SLC45A4: variants seen among roughly 807,000 people sequenced by gnomAD.
SLC45A4 encodes the protein solute carrier family 45 member 4.
A neutral mutation model predicts 63.7 loss-of-function variants in SLC45A4; 32 were observed. That is an observed-to-expected ratio of 0.50 (90% CI 0.38 to 0.67). SLC45A4 has a LOEUF of 0.67. Among genes scored for constraint, SLC45A4 ranks in the 30% least tolerant of loss-of-function variants. The pLI, the probability that SLC45A4 is intolerant of heterozygous loss-of-function variation, is 0.00. For synonymous variants in SLC45A4, 535 were observed against 510.0 expected, an observed-to-expected ratio of 1.05 and a Z score of -0.66; for missense variants, 1,027 against 1,157.7, an observed-to-expected ratio of 0.89 and a Z score of 1.64.
chr8:141,307,539 AAGAAGG>A (rs1830935811), intron 1 of SLC45A4, among the ~76,000 whole-genome samples: 1 of 107,328 alleles, frequency 9.3e-6, no homozygotes, highest in Non-Finnish European at 2.0e-5. Flanking sequence ...AGGGAAGGGG[AAGAAGG>A]GGAAGAAGGG....
At chr8:141,236,463 T>C (rs1827629549) in intron 2 of SLC45A4, among the ~76,000 whole-genome samples, 1 of 152,144 alleles carries the variant, frequency 6.6e-6, no homozygotes, top group Non-Finnish European at 1.5e-5. Context: ...AGCTAGAAAA[T>C]ACGTCTGCAC....
At chr8:141,288,395 G>C (rs994730320) in intron 1 of SLC45A4, among the ~76,000 whole-genome samples, 2 of 152,226 alleles carry the variant, frequency 1.3e-5, no homozygotes, top group African/African-American at 2.4e-5. Context: ...AATTGCAAGC[G>C]CATCGGTACG....
At chr8:141,220,049 C>T (rs999946310) in intron 3 of SLC45A4, among the ~76,000 whole-genome samples, 4 of 152,184 alleles carry the variant, frequency 2.6e-5, no homozygotes, top group Admixed American at 1.3e-4. Flanking sequence ...TCTCCCCGTT[C>T]GGTTAGCTGT....
chr8:141,299,052 G>A (rs972323796), intron 1 of SLC45A4, among the ~76,000 whole-genome samples: 3 of 152,170 alleles, frequency 2.0e-5, no homozygotes, highest in African/African-American at 7.2e-5. Flanking sequence ...GGATGCAGAT[G>A]CCGCACTGTC....
Position 141,229,460 on chromosome 8 carries a change from C to A in SLC45A4, c.242-7695G>T, listed in dbSNP as rs1317214373. Among the ~76,000 whole-genome samples the A allele has an allele frequency of 6.6e-6, 1 of 152,140 alleles. No homozygotes were observed. Among genetic ancestry groups the A allele is most frequent in the East Asian group, 1.9e-4 (1 of 5,182 alleles). On this transcript the variant is annotated intron_variant, in intron 2 of 8. Coordinates refer to ENST00000517878, the MANE Select transcript of SLC45A4 (RefSeq NM_001286646.2). The surrounding 1 kb of genome is among the most constrained non-coding windows in gnomAD (Gnocchi z 5.0). ...ATCCCGCTCAGAACCTCAGCCACGG[C>A]CACTGGGGAGGGTCCAGCCAGTGCC...
chr8:141,269,630 G>C (rs1013566581), intron 1 of SLC45A4, among the ~76,000 whole-genome samples: 1 of 151,616 alleles, frequency 6.6e-6, no homozygotes, highest in South Asian at 2.1e-4. Flanking sequence ...GTGTCTGTGC[G>C]GGGGGTGTGT....
chr8:141,293,472 T>G (rs1005389848), intron 1 of SLC45A4, among the ~76,000 whole-genome samples: 3 of 149,876 alleles, frequency 2.0e-5, no homozygotes, highest in Admixed American at 1.3e-4. Context: ...AAAAAGAAAA[T>G]AAAATGCACG....
intron 2 of SLC45A4, among the ~76,000 whole-genome samples, chr8:141,251,253 A>G (rs1448811200): frequency 6.6e-6 from 1 of 152,082 alleles, no homozygotes; most frequent in Non-Finnish European, 1.5e-5. Context: ...ACTGCTACCC[A>G]ACTTCCCCCT....
At chr8:141,262,032 G>A (rs947301610) in intron 1 of SLC45A4, among the ~76,000 whole-genome samples, 1 of 152,128 alleles carries the variant, frequency 6.6e-6, no homozygotes, top group Non-Finnish European at 1.5e-5. Context: ...TAGATCAATG[G>A]AACAGAACAG....
At chr8:141,237,142 C>T (rs1827670252) in intron 2 of SLC45A4, among the ~76,000 whole-genome samples, 1 of 152,064 alleles carries the variant, frequency 6.6e-6, no homozygotes, top group East Asian at 1.9e-4. Context: ...TGATATATTG[C>T]TTACTATATG....
chr8:141,234,345 G>A (rs79097146), intron 2 of SLC45A4, among the ~76,000 whole-genome samples: 3,236 of 152,316 alleles, frequency 0.021, 125 homozygotes, highest in African/African-American at 0.074. Flanking sequence ...CTCCTCGTGG[G>A]CCTAGCTTGG....
intron 2 of SLC45A4, 39 bp downstream of exon 2, chr8:141,253,950 G>A (rs1228074101): frequency 1.8e-5 from 28 of 1,532,042 alleles, no homozygotes; most frequent in East Asian, 2.4e-5. Flanking sequence ...CTAGCACTCC[G>A]CTCAGCGTTC....
intron 1 of SLC45A4, among the ~76,000 whole-genome samples, chr8:141,277,045 GC>G (rs1829754684): frequency 6.6e-6 from 1 of 152,242 alleles, no homozygotes; most frequent in South Asian, 2.1e-4. Flanking sequence ...GGCAGGCAGA[GC>G]CCTTGGACAC....
chr8:141,224,046 C>T (rs1045855549), intron 2 of SLC45A4, among the ~76,000 whole-genome samples: 2 of 151,272 alleles, frequency 1.3e-5, no homozygotes, highest in Non-Finnish European at 1.5e-5. Flanking sequence ...GCTCTGCTGA[C>T]GACAAATGCT....
Position 141,271,398 on chromosome 8 carries a change from G to A in SLC45A4, c.-400-16769C>T, listed in dbSNP as rs945302626. Reference sequence around the variant, plus strand: ...ACCTCAGACTTGCCAACAGCTGTGGGATCCTACCAGGAACTCCCAGGGCCT... The same window carrying A: ...ACCTCAGACTTGCCAACAGCTGTGGAATCCTACCAGGAACTCCCAGGGCCT... On this transcript the variant is annotated intron_variant, in intron 1 of 8. Transcript: ENST00000517878. 3.3e-5 allele frequency among the ~76,000 whole-genome samples: 5 copies of A among 152,346 alleles called. No individual in the cohort carries two copies. The South Asian group carries it at 1.0e-3, about 32-fold the overall frequency.
chr8:141,276,026 C>T (rs1191255334), intron 1 of SLC45A4, among the ~76,000 whole-genome samples: 4 of 151,898 alleles, frequency 2.6e-5, no homozygotes, highest in Non-Finnish European at 5.9e-5. Context: ...AATCCTCCCA[C>T]CTCAGTCTCC....
At position 141,300,914 on chromosome 8, in the gene SLC45A4, CG is replaced by C. The variant is rs1196279449; in HGVS notation, c.-401+7181del. 2.6e-5 allele frequency among the ~76,000 whole-genome samples: 4 copies of C among 152,374 alleles called. No homozygotes were observed. In the East Asian group the frequency reaches 7.7e-4, roughly 29 times the overall value. ...GAGCAGCACGGACCCCGTGACTCGACGAAGTGGCGTGGACCTTACCCGTGGA... is the reference window on the plus strand; with the variant it reads ...GAGCAGCACGGACCCCGTGACTCGACAAGTGGCGTGGACCTTACCCGTGGA... On this transcript the variant is annotated intron_variant, in intron 1 of 8. Transcript: ENST00000517878.
intron 2 of SLC45A4, among the ~76,000 whole-genome samples, chr8:141,243,740 A>C (rs573262905): frequency 2.6e-4 from 39 of 152,208 alleles, no homozygotes; most frequent in African/African-American, 9.1e-4. Context: ...CCGAGACAGC[A>C]AGACCCCCGC....
intron 1 of SLC45A4, among the ~76,000 whole-genome samples, chr8:141,293,173 G>A (rs1436677544): frequency 3.9e-5 from 6 of 152,214 alleles, no homozygotes; most frequent in Admixed American, 3.3e-4. Flanking sequence ...AAGAAAATGC[G>A]GCCGGGCGCA....
Sources: gnomAD v4.1 joint callset for allele counts (sites outside exome capture counted in the v4.1 genomes callset) on GRCh38, gnomAD v4.1.1 for gene constraint, Gnocchi (gnomAD v3.1) non-coding constraint, MANE v1.5 for transcripts, NCBI Gene and HGNC (gene_info 2026-07-23, HGNC 2026-07-21) for gene names.